Variants in LRRC3C observed in about 807,000 individuals in gnomAD.
LRRC3C encodes the protein leucine rich repeat containing 3C, also known as leucine-rich repeat-containing protein 3C.
A neutral mutation model predicts 14.8 loss-of-function variants in LRRC3C; 11 were observed. The observed-to-expected ratio is 0.74, with a 90% CI of 0.47 to 1.23. The LOEUF is 1.23. LRRC3C is among the 50% of genes most tolerant of loss of function. The pLI is 0.00. For missense variants in LRRC3C, 354 were observed against 361.8 expected (o/e 0.98, Z 0.18); for synonymous variants, 149 against 161.5 (o/e 0.92, Z 0.59).
At chr17:39,940,431 G>T (rs990816898) in intron 2 of LRRC3C, among the ~76,000 whole-genome samples, 1 of 151,826 alleles carries the variant, frequency 6.6e-6, no homozygotes, top group Non-Finnish European at 1.5e-5. Flanking sequence ...TTATTTTTTA[G>T]AGACAGAGTC....
chr17:39,940,403 TAAAA>T (rs1362688129), intron 2 of LRRC3C, among the ~76,000 whole-genome samples: 22 of 152,280 alleles, frequency 1.4e-4, no homozygotes, highest in Middle Eastern at 3.4e-3. Context: ...GTCGTCATCT[TAAAA>T]TTCTTTTTTA....
intron 1 of LRRC3C, among the ~76,000 whole-genome samples, chr17:39,935,476 G>A (rs1279898064): frequency 3.3e-5 from 5 of 151,912 alleles, no homozygotes; most frequent in East Asian, 1.9e-4. Flanking sequence ...TCAGCCAGGC[G>A]CGGTGGCTCT....
chr17:39,936,364 G>T (rs1389075337), intron 2 of LRRC3C, among the ~76,000 whole-genome samples: 3 of 152,180 alleles, frequency 2.0e-5, no homozygotes, highest in Non-Finnish European at 4.4e-5. Context: ...AGACTCCCCG[G>T]TGATGGCTTT....
chr17:39,944,374 C>A lies in LRRC3C; in HGVS notation c.468C>A (p.Asn156Lys), dbSNP rs1979025270. Residue 156 changes from asparagine (N) to lysine (K), a missense_variant, in exon 4 of 4, where the codon AAC (asparagine) becomes AAA (lysine). Transcript: ENST00000377924. ...EAFVGLQIQVNLSANPWHCDC... is the reference protein window; with the variant it reads ...EAFVGLQIQVKLSANPWHCDC... Reference sequence around the variant, plus strand: ...TTGTGGGGCTACAGATCCAAGTGAACCTATCCGCAAACCCATGGCACTGTG... The same window carrying A: ...TTGTGGGGCTACAGATCCAAGTGAAACTATCCGCAAACCCATGGCACTGTG... 1 of 1,529,796 alleles carries A rather than the reference C, an allele frequency of 6.5e-7. No individual in the cohort carries two copies. The highest frequency in any genetic ancestry group is 8.7e-7 in the Non-Finnish European group (1 of 1,144,210). 94.8% of individuals were successfully genotyped at this position (1,529,796 alleles called of 1,614,324 possible).
chr17:39,944,738 C>G lies in LRRC3C; in HGVS notation c.*4C>G. 6.5e-7 allele frequency: 1 copy of G among 1,535,546 alleles called. No individual in the cohort carries two copies. Among genetic ancestry groups the G allele is most frequent in the South Asian group, 1.2e-5 (1 of 84,012 alleles). On this transcript the variant is annotated 3_prime_UTR_variant, in exon 4 of 4. Coordinates refer to ENST00000377924, the MANE Select transcript of LRRC3C (RefSeq NM_001195545.2). Reference sequence around the variant, plus strand: ...CATCCTCAGCACAGTGGTCTGATGACCCAGGATGCTCCTCCAGCCACACCC... The same window carrying G: ...CATCCTCAGCACAGTGGTCTGATGAGCCAGGATGCTCCTCCAGCCACACCC...
chr17:39,932,790 G>A (rs905248551), intron 1 of LRRC3C, among the ~76,000 whole-genome samples: 1 of 151,696 alleles, frequency 6.6e-6, no homozygotes, highest in Non-Finnish European at 1.5e-5. Context: ...GGTGGCTAGC[G>A]CCTGTAATCC....
At chr17:39,930,697 A>G (rs1978625532) in intron 1 of LRRC3C, among the ~76,000 whole-genome samples, 1 of 103,668 alleles carries the variant, frequency 9.6e-6, no homozygotes, top group Admixed American at 1.3e-4. Flanking sequence ...TGACTGAGCA[A>G]GGCTCTGTCT....
chr17:39,929,463 C>T (rs1978587538), intron 1 of LRRC3C: 1 of 152,122 alleles, frequency 6.6e-6, no homozygotes, highest in Admixed American at 6.6e-5. Context: ...TAGCGGGAGT[C>T]CCTGTTGTCA....
rs1412639744 is a variant in LRRC3C, at chr17:39,927,789, T to C, written c.-200T>C. 2 of 985,378 alleles carry C rather than the reference T, an allele frequency of 2.0e-6. No homozygotes were observed. The highest frequency in any genetic ancestry group is 3.5e-5 in the African/African-American group (2 of 57,256). 61.0% of individuals were successfully genotyped at this position (985,378 alleles called of 1,614,324 possible). A position where few individuals can be genotyped will look rare whatever the true frequency, so the allele number is the denominator to read the frequency against. On this transcript the variant is annotated 5_prime_UTR_variant, in exon 1 of 4. It removes an upstream start codon present in the reference 5' UTR. Coordinates refer to ENST00000377924, the MANE Select transcript of LRRC3C (RefSeq NM_001195545.2). ...GGTTGGAAGTTGTACCGTGACGTGA[T>C]GGTCAGATCGGATGATAGAATTTTG...
intron 3 of LRRC3C, 78 bp from the exon 4 acceptor site, chr17:39,943,855 C>A: frequency 6.9e-7 from 1 of 1,442,790 alleles, no homozygotes; most frequent in Non-Finnish European, 9.4e-7. Flanking sequence ...CCAGAGGGAC[C>A]TCGGGAGGAG....
Position 39,944,653 on chromosome 17 carries a change from T to C in LRRC3C, c.747T>C (p.Asp249=). Residue 249 remains aspartate (D), a synonymous_variant, in exon 4 of 4, where the codon GAT becomes GAC. Coordinates refer to ENST00000377924, the MANE Select transcript of LRRC3C (RefSeq NM_001195545.2). ...YLVHYVWQNR[D]ETRRSLKRAP... ...TGCATTATGTGTGGCAGAACCGAGA[T>C]GAGACCAGGCGCTCCCTCAAGCGGG... 2.6e-6 allele frequency: 4 copies of C among 1,535,796 alleles called. No individual in the cohort carries two copies. The highest frequency in any genetic ancestry group is 2.6e-6 in the Non-Finnish European group (3 of 1,146,766).
chr17:39,933,722 G>A (rs984092520), intron 1 of LRRC3C, among the ~76,000 whole-genome samples: 2 of 152,024 alleles, frequency 1.3e-5, no homozygotes, highest in East Asian at 1.9e-4. Flanking sequence ...GACAGAGCAA[G>A]ACTCCGTCTC....
intron 1 of LRRC3C, among the ~76,000 whole-genome samples, chr17:39,930,601 A>C (rs7224908): frequency 1.3e-5 from 2 of 149,134 alleles, no homozygotes; most frequent in African/African-American, 4.9e-5. Context: ...CCAGCTACTC[A>C]GGAGGCTGAA....
chr17:39,944,116 C>G lies in LRRC3C; in HGVS notation c.210C>G (p.Leu70=). ...CGTTCCGCTGCAGCCAGGCAGGCCT[C>G]AGTGCTGTGCCCTCCGGCATCCCCA... ...ERTFRCSQAG[L]SAVPSGIPND... Residue 70 remains leucine (L), a synonymous_variant, in exon 4 of 4, where the codon CTC becomes CTG. Transcript: ENST00000377924. 6.5e-7 allele frequency: 1 copy of G among 1,536,192 alleles called. No individual in the cohort carries two copies. The highest frequency in any genetic ancestry group is 8.7e-7 in the Non-Finnish European group (1 of 1,146,922).
chr17:39,943,849 A>C (rs1978999235), intron 3 of LRRC3C, 84 bp from the exon 4 acceptor site: 2 of 1,388,972 alleles, frequency 1.4e-6, no homozygotes, highest in Non-Finnish European at 2.0e-6. Flanking sequence ...GACTCCCCAG[A>C]GGGACCTCGG....
At chr17:39,933,147 C>G (rs144822503) in intron 1 of LRRC3C, among the ~76,000 whole-genome samples, 19 of 152,242 alleles carry the variant, frequency 1.2e-4, no homozygotes, top group Admixed American at 8.5e-4. Flanking sequence ...TTTTCATTCT[C>G]TAGTTTCAAA....
At position 39,944,523 on chromosome 17, in the gene LRRC3C, A is replaced by G; in HGVS notation, c.617A>G (p.Glu206Gly). 1.9e-6 allele frequency: 2 copies of G among 1,026,332 alleles called. No homozygotes were observed. The highest frequency in any genetic ancestry group is 3.4e-5 in the African/African-American group (2 of 59,066). The allele number at this position is 1,026,332 out of a possible 1,614,324, so 63.6% of individuals were successfully genotyped here. ...CAGGAGTTCCTGCTGCTGGCAGGGGAGGAAGAGCTGTGTGGGTCGGGGTGG... is the reference window on the plus strand; with the variant it reads ...CAGGAGTTCCTGCTGCTGGCAGGGGGGGAAGAGCTGTGTGGGTCGGGGTGG... ...VGQEFLLLAGEEELCGSGWGG... is the reference protein window; with the variant it reads ...VGQEFLLLAGGEELCGSGWGG... Residue 206 changes from glutamate to glycine, a missense_variant, in exon 4 of 4, where the codon GAG becomes GGG. Physicochemically the swap from Glu to Gly is moderately conservative, Grantham distance 98. Coordinates refer to ENST00000377924, the MANE Select transcript of LRRC3C (RefSeq NM_001195545.2).
Position 39,937,475 on chromosome 17 carries a change from AC to A in LRRC3C, c.-82+1583del, listed in dbSNP as rs1346379473. Among the ~76,000 whole-genome samples, 3 of 151,938 alleles carry A rather than the reference AC, an allele frequency of 2.0e-5. No homozygotes were observed. The South Asian group carries it at 6.3e-4, about 32-fold the overall frequency. On this transcript the variant is annotated intron_variant, in intron 2 of 3. Transcript: ENST00000377924. ...AATAAAATAATAAAAACTAAATAAA[AC>A]CTTTTTAATCCATAAGCCACGGAAT...
At position 39,944,442 on chromosome 17, in the gene LRRC3C, C is replaced by T. The variant is rs777346442; in HGVS notation, c.536C>T (p.Pro179Leu). Reference sequence around the variant, plus strand: ...GTGCTCCGGCAGGTGAGGCTGGTGCCGGGCACTGGGACAGGCATCGTGTGT... The same window carrying T: ...GTGCTCCGGCAGGTGAGGCTGGTGCTGGGCACTGGGACAGGCATCGTGTGT... ...QEVLRQVRLVPGTGTGIVCGS... is the reference protein window; with the variant it reads ...QEVLRQVRLVLGTGTGIVCGS... The change falls in exon 4 of 4, where the codon CCG becomes CTG. Residue 179 changes from proline to leucine, a missense_variant. Pro to Leu is a moderately conservative substitution (Grantham distance 98). Coordinates refer to ENST00000377924, the MANE Select transcript of LRRC3C (RefSeq NM_001195545.2). The T allele has an allele frequency of 2.8e-5, 42 of 1,487,774 alleles. No individual in the cohort carries two copies. The highest frequency in any genetic ancestry group is 4.9e-5 in the East Asian group (2 of 40,444). The allele number at this position is 1,487,774 out of a possible 1,614,324, so 92.2% of individuals were successfully genotyped here.
Sources: allele counts gnomAD v4.1 joint callset (sites outside exome capture counted in the v4.1 genomes callset), GRCh38; gene constraint gnomAD v4.1.1; transcripts MANE v1.5; gene names NCBI Gene and HGNC (gene_info 2026-07-23, HGNC 2026-07-21).